The following KSR1 variants were observed in gnomAD, a reference collection of about 807,000 sequenced individuals.
KSR1 encodes the protein kinase suppressor of ras.
In KSR1, 35 loss-of-function variants were observed where a neutral mutation model predicts 92.9. The observed-to-expected ratio is 0.38, with a 90% CI of 0.29 to 0.50. The LOEUF (loss-of-function observed/expected upper bound fraction) is 0.50. KSR1 is among the 20% of genes least tolerant of loss of function. The pLI is 0.94. For synonymous variants in KSR1, 467 were observed against 472.6 expected (o/e 0.99, Z 0.15); for missense variants, 972 against 1,158.5 (o/e 0.84, Z 2.34).
At chr17:27,566,743 G>A (rs2072092284) in intron 2 of KSR1, among the ~76,000 whole-genome samples, 1 of 152,238 alleles carries the variant, frequency 6.6e-6, no homozygotes, top group South Asian at 2.1e-4. Flanking sequence ...TGTCTTCTGT[G>A]TGATAAAGTC....
At chr17:27,479,841 C>CT (rs2068459728) in intron 1 of KSR1, among the ~76,000 whole-genome samples, 1 of 152,104 alleles carries the variant, frequency 6.6e-6, no homozygotes, top group African/African-American at 2.4e-5. Context: ...GAATGACTGA[C>CT]TAACAGAGGG....
In KSR1 at chr17:27,585,607, C is replaced by T. The variant is rs200667330; in HGVS notation, c.981-50C>T. 4.4e-4 allele frequency: 326 copies of T among 739,118 alleles called. 5 individuals carry two copies. The highest frequency in any genetic ancestry group is 1.6e-3 in the Middle Eastern group (7 of 4,392). 45.8% of individuals were successfully genotyped at this position (739,118 alleles called of 1,614,324 possible). The stretch of plus-strand genomic sequence containing the variant: ...CAAGGGTAGTGTTCTAGGAACACGC[C>T]GAGCCAGCGTGGTGACGTAATCCCC... On this transcript the variant is annotated intron_variant, in intron 4 of 20. Coordinates refer to ENST00000644974, the MANE Select transcript of KSR1 (RefSeq NM_001394583.1).
chr17:27,597,150 C>T (rs2073369837), intron 9 of KSR1, 118 bp from the exon 10 acceptor site: 5 of 1,131,248 alleles, frequency 4.4e-6, no homozygotes, highest in Non-Finnish European at 6.3e-6. Context: ...AAATGTCAGA[C>T]CCTGAGGATT....
chr17:27,583,911 A>G (rs545336492), intron 4 of KSR1: 3 of 864,640 alleles, frequency 3.5e-6, no homozygotes, highest in Non-Finnish European at 4.2e-6. Flanking sequence ...TTATTCAGTC[A>G]CAGGGTTCCC....
At chr17:27,536,075 T>C (rs1201360599) in intron 1 of KSR1, among the ~76,000 whole-genome samples, 1 of 152,200 alleles carries the variant, frequency 6.6e-6, no homozygotes, top group Non-Finnish European at 1.5e-5. Context: ...CGGCTTGTGC[T>C]GTTGGCAAGC....
At chr17:27,512,995 A>G (rs1367021782) in intron 1 of KSR1, among the ~76,000 whole-genome samples, 4 of 152,160 alleles carry the variant, frequency 2.6e-5, no homozygotes, top group Admixed American at 6.5e-5. Context: ...GCTTGACTTT[A>G]GTAGTAGTTG....
intron 1 of KSR1, among the ~76,000 whole-genome samples, chr17:27,549,635 C>G (rs1598004008): frequency 6.6e-6 from 1 of 152,192 alleles, no homozygotes; most frequent in South Asian, 2.1e-4. Flanking sequence ...ACTTGCATAT[C>G]TGAAATTTGC....
intron 1 of KSR1, among the ~76,000 whole-genome samples, chr17:27,522,370 C>T (rs1371522820): frequency 6.6e-6 from 1 of 152,224 alleles, no homozygotes; most frequent in Admixed American, 6.5e-5. Context: ...CCCCGTGGCC[C>T]TCCCGCCCAG....
intron 1 of KSR1, among the ~76,000 whole-genome samples, chr17:27,507,201 G>A (rs566565029): frequency 6.6e-6 from 1 of 152,138 alleles, no homozygotes; most frequent in Non-Finnish European, 1.5e-5. Flanking sequence ...TTGGGAGGCC[G>A]AGGCAGGCAG....
intron 12 of KSR1, 120 bp from the exon 13 acceptor site, chr17:27,604,560 C>G (rs116300704): frequency 1.4e-5 from 14 of 1,017,544 alleles, no homozygotes; most frequent in Admixed American, 1.8e-5. Context: ...CGGCCTTTCC[C>G]CTAGCCAGGT....
chr17:27,544,076 T>C (rs1044994900), intron 1 of KSR1, among the ~76,000 whole-genome samples: 1 of 152,232 alleles, frequency 6.6e-6, no homozygotes, highest in East Asian at 1.9e-4. Context: ...CACGTTTTGC[T>C]GAGCACTTTG....
At chr17:27,472,474 G>A (rs1255946784) in intron 1 of KSR1, among the ~76,000 whole-genome samples, 2 of 152,204 alleles carry the variant, frequency 1.3e-5, no homozygotes, top group Non-Finnish European at 2.9e-5. Flanking sequence ...GGGTTAACCA[G>A]CACCTTGGGT....
intron 11 of KSR1, 109 bp from the exon 12 acceptor site, chr17:27,603,725 C>A: frequency 9.3e-7 from 1 of 1,070,306 alleles, no homozygotes; most frequent in Non-Finnish European, 1.4e-6. Context: ...TGTGGCAGTC[C>A]ACTCAGGGGA....
chr17:27,605,398 T>A, intron 13 of KSR1, 36 bp from the exon 14 acceptor site: 1 of 1,591,646 alleles, frequency 6.3e-7, no homozygotes. Context: ...AGCCCAGATC[T>A]GCTGCCCATC....
intron 2 of KSR1, among the ~76,000 whole-genome samples, chr17:27,564,037 G>A (rs898355493): frequency 9.0e-6 from 1 of 110,530 alleles, no homozygotes; most frequent in African/African-American, 3.6e-5. Flanking sequence ...TGCCGAGGCT[G>A]GAGTGCAATG....
In KSR1 at chr17:27,626,330, TAACA is replaced by T. The variant is rs1018706690; in HGVS notation, c.*2943_*2946del. 2 of 152,250 alleles carry T rather than the reference TAACA, an allele frequency of 1.3e-5. No individual in the cohort carries two copies. Among genetic ancestry groups the T allele is most frequent in the African/African-American group, 4.8e-5 (2 of 41,448 alleles). The allele number at this position is 152,250 out of a possible 1,614,324, so 9.4% of individuals were successfully genotyped here. The stretch of plus-strand genomic sequence containing the variant: ...TAATTTAAATTAAAATGGTTAGTAT[TAACA>T]AACATGCTGTATCGGGTTTTTTTGC... On this transcript the variant is annotated 3_prime_UTR_variant, in exon 21 of 21. Coordinates refer to ENST00000644974, the MANE Select transcript of KSR1 (RefSeq NM_001394583.1).
intron 2 of KSR1, among the ~76,000 whole-genome samples, chr17:27,558,566 C>T (rs575792938): frequency 4.6e-5 from 7 of 152,206 alleles, no homozygotes; most frequent in African/African-American, 1.4e-4. Flanking sequence ...CCAGCTGTAA[C>T]GCCTGGCACA....
chr17:27,608,072 C>T, intron 15 of KSR1, 62 bp downstream of exon 15: 3 of 1,225,032 alleles, frequency 2.4e-6, no homozygotes, highest in Non-Finnish European at 3.5e-6. Context: ...CTCGGCTGTT[C>T]CTCTCGCCCT....
intron 16 of KSR1, 88 bp from the exon 17 acceptor site, chr17:27,609,979 G>A (rs1703490548): frequency 4.5e-6 from 7 of 1,539,096 alleles, no homozygotes; most frequent in Non-Finnish European, 5.3e-6. Flanking sequence ...TGGGTGTTCT[G>A]CCGGCCCTGG....
Sources: allele counts gnomAD v4.1 joint callset (sites outside exome capture counted in the v4.1 genomes callset), GRCh38; gene constraint gnomAD v4.1.1; transcripts MANE v1.5; gene names NCBI Gene and HGNC (gene_info 2026-07-23, HGNC 2026-07-21).